Variants in LRRIQ3 observed in about 807,000 individuals in gnomAD.
LRRIQ3 encodes leucine rich repeats and IQ motif containing 3.
Under a neutral mutation model 59.3 loss-of-function variants are expected in LRRIQ3, and 75 were observed. That is an observed-to-expected ratio of 1.26 (90% CI 1.05 to 1.53). The LOEUF is 1.53. Among genes scored for constraint, LRRIQ3 ranks in the 40% most tolerant of loss-of-function variants. The pLI is 0.00. For missense variants in LRRIQ3, 831 were observed against 710.0 expected, an observed-to-expected ratio of 1.17 and a Z score of -1.94; for synonymous variants, 250 against 231.3, an observed-to-expected ratio of 1.08 and a Z score of -0.73.
intron 7 of LRRIQ3, among the ~76,000 whole-genome samples, chr1:74,031,205 A>G (rs899576309): frequency 6.6e-5 from 10 of 152,060 alleles, no homozygotes; most frequent in African/African-American, 1.7e-4. Flanking sequence ...ACAGTGTGGC[A>G]ATTCCTCAGG....
chr1:74,151,007 CTTTCTT>C (rs1475081336), intron 4 of LRRIQ3, among the ~76,000 whole-genome samples: 515 of 118,814 alleles, frequency 4.3e-3, no homozygotes, highest in African/African-American at 0.015. Flanking sequence ...TTGAATGATG[CTTTCTT>C]TTTTTTTTTT....
intron 4 of LRRIQ3, among the ~76,000 whole-genome samples, chr1:74,140,047 A>G (rs1283595624): frequency 6.6e-6 from 1 of 151,844 alleles, no homozygotes; most frequent in African/African-American, 2.4e-5. Context: ...AAAAGCAAAA[A>G]GCAAAAATAA....
intron 3 of LRRIQ3, among the ~76,000 whole-genome samples, chr1:74,163,654 A>C (rs1648791109): frequency 6.6e-6 from 1 of 151,468 alleles, no homozygotes; most frequent in Non-Finnish European, 1.5e-5. Context: ...TTAACCATTC[A>C]CTCATTGAAG....
intron 4 of LRRIQ3, among the ~76,000 whole-genome samples, chr1:74,153,705 C>G (rs113825026): frequency 6.6e-6 from 1 of 152,034 alleles, no homozygotes; most frequent in Non-Finnish European, 1.5e-5. Flanking sequence ...GACTATAATA[C>G]GGTATGGTAA....
intron 6 of LRRIQ3, among the ~76,000 whole-genome samples, chr1:74,073,591 A>G (rs1184869721): frequency 7.0e-6 from 1 of 143,590 alleles, no homozygotes; most frequent in Non-Finnish European, 1.5e-5. Context: ...CCTTCAACAC[A>G]GTTGAACAGT....
At chr1:74,141,197 C>G (rs1647240233) in intron 4 of LRRIQ3, among the ~76,000 whole-genome samples, 1 of 151,872 alleles carries the variant, frequency 6.6e-6, no homozygotes, top group African/African-American at 2.4e-5. Context: ...ATGCTAACAT[C>G]ATGGAACTAG....
chr1:74,128,041 A>T (rs1046448874), intron 4 of LRRIQ3, among the ~76,000 whole-genome samples: 4 of 151,922 alleles, frequency 2.6e-5, no homozygotes, highest in Admixed American at 2.6e-4. Flanking sequence ...ATATCCTGCC[A>T]TTCTCTCCTG....
intron 4 of LRRIQ3, among the ~76,000 whole-genome samples, chr1:74,133,792 AT>A (rs1647071302): frequency 6.6e-6 from 1 of 152,062 alleles, no homozygotes; most frequent in Non-Finnish European, 1.5e-5. Context: ...GCACACCAGC[AT>A]GGCACATGTA....
At chr1:74,152,172 G>T (rs1230960939) in intron 4 of LRRIQ3, among the ~76,000 whole-genome samples, 1 of 151,632 alleles carries the variant, frequency 6.6e-6, no homozygotes, top group Non-Finnish European at 1.5e-5. Context: ...GAAATGCAGT[G>T]ATAGAAATGA....
chr1:74,117,629 G>C (rs1646795038), intron 4 of LRRIQ3, among the ~76,000 whole-genome samples: 1 of 152,050 alleles, frequency 6.6e-6, no homozygotes, highest in South Asian at 2.1e-4. Flanking sequence ...AGCCAGGCAT[G>C]GTGATGCACA....
intron 3 of LRRIQ3, among the ~76,000 whole-genome samples, chr1:74,176,464 T>A (rs192095193): frequency 6.6e-6 from 1 of 152,190 alleles, no homozygotes; most frequent in Non-Finnish European, 1.5e-5. Context: ...TTTGGGGTTT[T>A]CTCAGCTTCT....
intron 3 of LRRIQ3, among the ~76,000 whole-genome samples, chr1:74,171,124 C>A (rs991622509): frequency 6.6e-6 from 1 of 152,142 alleles, no homozygotes; most frequent in African/African-American, 2.4e-5. Flanking sequence ...CTTCTTCCAT[C>A]CTAACTTTCA....
intron 7 of LRRIQ3, among the ~76,000 whole-genome samples, chr1:74,038,127 G>A (rs1221247620): frequency 6.6e-6 from 1 of 152,204 alleles, no homozygotes; most frequent in Admixed American, 6.5e-5. Context: ...CCCTGATGGA[G>A]CCAGGGAGTC....
chr1:74,036,709 T>G (rs2100374805), intron 7 of LRRIQ3, among the ~76,000 whole-genome samples: 1 of 152,304 alleles, frequency 6.6e-6, no homozygotes, highest in Middle Eastern at 3.4e-3. Context: ...CAAATGATCT[T>G]TACATGACTA....
chr1:74,043,147 T>G (rs2100393883), intron 6 of LRRIQ3, among the ~76,000 whole-genome samples: 1 of 152,294 alleles, frequency 6.6e-6, no homozygotes, highest in African/African-American at 2.4e-5. Flanking sequence ...ACAAACCTAC[T>G]AATGAATTCA....
At chr1:74,124,660 G>A (rs1161180425) in intron 4 of LRRIQ3, among the ~76,000 whole-genome samples, 1 of 151,914 alleles carries the variant, frequency 6.6e-6, no homozygotes, top group African/African-American at 2.4e-5. Context: ...TCAAAAATCA[G>A]TTCACTGTAG....
At chr1:74,073,612 A>T (rs1389538137) in intron 6 of LRRIQ3, among the ~76,000 whole-genome samples, 1 of 39,938 alleles carries the variant, frequency 2.5e-5, no homozygotes, top group African/African-American at 4.5e-5. Flanking sequence ...CCATTCTTTA[A>T]AAAAAAAAAA....
intron 6 of LRRIQ3, among the ~76,000 whole-genome samples, chr1:74,062,877 G>T (rs1042325955): frequency 6.6e-6 from 1 of 151,788 alleles, no homozygotes; most frequent in Non-Finnish European, 1.5e-5. Context: ...AATACCTATC[G>T]GATACTATGC....
chr1:74,154,781 T>A (rs977377892), intron 4 of LRRIQ3, among the ~76,000 whole-genome samples: 2 of 152,228 alleles, frequency 1.3e-5, no homozygotes, highest in Non-Finnish European at 2.9e-5. Flanking sequence ...GCACCTCCTT[T>A]ACTCAGGTAA....
Sources: allele counts gnomAD v4.1 joint callset (sites outside exome capture counted in the v4.1 genomes callset), GRCh38; gene constraint gnomAD v4.1.1; transcripts MANE v1.5; gene names NCBI Gene and HGNC (gene_info 2026-07-23, HGNC 2026-07-21).